The following ST3GAL4 variants were observed in gnomAD, a reference collection of about 807,000 sequenced individuals.
The protein encoded by ST3GAL4 is CMP-N-acetylneuraminate-beta-galactosamide-alpha-2,3-sialyltransferase 4.
In ST3GAL4, 24 loss-of-function variants were observed where a neutral mutation model predicts 42.6. That is an observed-to-expected ratio of 0.56 (90% CI 0.41 to 0.79). The LOEUF (loss-of-function observed/expected upper bound fraction) is 0.79, where lower values mean the gene tolerates loss of function less well. Among genes scored for constraint, ST3GAL4 ranks in the 30% least tolerant of loss-of-function variants. ST3GAL4 has a pLI of 0.00. For missense variants in ST3GAL4, 311 were observed against 430.8 expected, an observed-to-expected ratio of 0.72 and a Z score of 2.46; for synonymous variants, 135 against 163.2, an observed-to-expected ratio of 0.83 and a Z score of 1.32.
Position 126,393,612 on chromosome 11 carries a change from C to A in ST3GAL4, c.-60-12484C>A, listed in dbSNP as rs994772113. On this transcript the variant is annotated intron_variant, in intron 1 of 10. Transcript: ENST00000444328. This position sits in a 1 kb window ranked among gnomAD's most constrained non-coding sequence, Gnocchi z 5.9. ...CTAATTTAGCCTTTCTGAAGTGGAG[C>A]CTTGGGAGCCGATGAAGCTTAATAA... Among the ~76,000 whole-genome samples, 1 of 152,190 alleles carries A rather than the reference C, an allele frequency of 6.6e-6. No homozygotes were observed. The highest frequency in any genetic ancestry group is 2.1e-4 in the South Asian group (1 of 4,814).
At chr11:126,368,483 A>G (rs567138820) in intron 1 of ST3GAL4, among the ~76,000 whole-genome samples, 1 of 152,302 alleles carries the variant, frequency 6.6e-6, no homozygotes, top group South Asian at 2.1e-4. Flanking sequence ...CTGCGCTGGG[A>G]CAGGGGTATT....
chr11:126,399,971 C>A (rs901115287), intron 1 of ST3GAL4, among the ~76,000 whole-genome samples: 2 of 152,140 alleles, frequency 1.3e-5, no homozygotes, highest in African/African-American at 4.8e-5. Flanking sequence ...ATCTTCTAAT[C>A]CCGCTTTATT....
In ST3GAL4 at chr11:126,408,514, C is replaced by G; in HGVS notation, c.627+18C>G. 1 of 1,613,366 alleles carries G rather than the reference C, an allele frequency of 6.2e-7. No individual in the cohort carries two copies. The highest frequency in any genetic ancestry group is 8.5e-7 in the Non-Finnish European group (1 of 1,179,762). On this transcript the variant is annotated intron_variant, in intron 8 of 10. Transcript: ENST00000444328. ...AGAAGCGGGTAAGTTGGGGGACAGA[C>G]TGGGGGCTGAGGCCTGGCGGTGGGG... is the stretch of plus-strand genomic sequence containing the variant.
chr11:126,388,840 G>A lies in ST3GAL4; in HGVS notation c.-60-17256G>A, dbSNP rs7941034. On this transcript the variant is annotated intron_variant, in intron 1 of 10. Coordinates refer to ENST00000444328, the MANE Select transcript of ST3GAL4 (RefSeq NM_001254757.2). ...AGGCTGGAGTGCAGTGCAATGACAC[G>A]ATCTTGGCTCACTGCAGCCTCCACC... Among the ~76,000 whole-genome samples, 825 of 127,260 alleles carry A rather than the reference G, an allele frequency of 6.5e-3. 12 individuals carry two copies. The highest frequency in any genetic ancestry group is 0.023 in the African/African-American group (759 of 33,438). 83.5% of individuals were successfully genotyped at this position (127,260 alleles called of 152,430 possible).
intron 1 of ST3GAL4, among the ~76,000 whole-genome samples, chr11:126,356,651 GA>G (rs1489450111): frequency 1.3e-5 from 2 of 152,142 alleles, no homozygotes; most frequent in East Asian, 3.9e-4. Context: ...ACTGCTGCCA[GA>G]AGGCTGGGAG....
At chr11:126,401,660 C>T (rs1954000649) in intron 1 of ST3GAL4, among the ~76,000 whole-genome samples, 3 of 152,072 alleles carry the variant, frequency 2.0e-5, no homozygotes, top group Admixed American at 6.6e-5. Flanking sequence ...TTGACCTTGA[C>T]CTAGAAGCCA....
chr11:126,399,693 C>G (rs1235220770), intron 1 of ST3GAL4, among the ~76,000 whole-genome samples: 1 of 152,068 alleles, frequency 6.6e-6, no homozygotes, highest in Non-Finnish European at 1.5e-5. Context: ...ATACAGCAAC[C>G]AAAATGCTTT....
Position 126,409,504 on chromosome 11 carries a change from A to AT in ST3GAL4, c.771+94dup. ...GCTTAGGAAGCCCTGGAAGGATCCC[A>AT]TAACAGAGGCGGCGGTTTGCATTTT... On this transcript the variant is annotated intron_variant, in intron 9 of 10. Coordinates refer to ENST00000444328, the MANE Select transcript of ST3GAL4 (RefSeq NM_001254757.2). The surrounding 1 kb of genome is among the most constrained non-coding windows in gnomAD (Gnocchi z 4.9). The AT allele has an allele frequency of 6.5e-7, 1 of 1,546,430 alleles. No individual in the cohort carries two copies. Among genetic ancestry groups the AT allele is most frequent in the Non-Finnish European group, 8.8e-7 (1 of 1,133,176 alleles).
chr11:126,389,751 A>AT (rs1398741245), intron 1 of ST3GAL4, among the ~76,000 whole-genome samples: 1 of 151,812 alleles, frequency 6.6e-6, no homozygotes, highest in Non-Finnish European at 1.5e-5. Flanking sequence ...TGTTTATTTT[A>AT]TTTTTTTATT....
intron 1 of ST3GAL4, among the ~76,000 whole-genome samples, chr11:126,404,302 A>G (rs6590203): frequency 0.44 from 67,450 of 151,978 alleles, 15,470 homozygotes; most frequent in East Asian, 0.62. Context: ...GTTTGACAGC[A>G]AGGAAACTGC....
At position 126,376,398 on chromosome 11, in the gene ST3GAL4, G is replaced by A. The variant is rs1952835049; in HGVS notation, c.-61+20556G>A. Among the ~76,000 whole-genome samples, 1 of 152,202 alleles carries A rather than the reference G, an allele frequency of 6.6e-6. No individual in the cohort carries two copies. The highest frequency in any genetic ancestry group is 1.5e-5 in the Non-Finnish European group (1 of 68,032). ...ACAGTTTCAGAGGCAGGTGTTTGGA[G>A]AGTGAATGTAAAAGCAAAATGAAGA... On this transcript the variant is annotated intron_variant, in intron 1 of 10. Transcript: ENST00000444328. This position sits in a 1 kb window ranked among gnomAD's most constrained non-coding sequence, Gnocchi z 5.1.
chr11:126,408,541 C>A (rs200701363), intron 8 of ST3GAL4, 45 bp downstream of exon 8: 8 of 1,603,996 alleles, frequency 5.0e-6, no homozygotes, highest in Admixed American at 1.7e-5. Flanking sequence ...GCGGTGGGGA[C>A]GCTGCCCGAG....
Position 126,392,514 on chromosome 11 carries a change from T to G in ST3GAL4, c.-60-13582T>G, listed in dbSNP as rs1362822233. Among the ~76,000 whole-genome samples the G allele has an allele frequency of 6.6e-6, 1 of 152,246 alleles. No individual in the cohort carries two copies. Among genetic ancestry groups the G allele is most frequent in the East Asian group, 1.9e-4 (1 of 5,202 alleles). ...CCAGTGTGAGCTTCTAGCAAGCCCC[T>G]TGTGCCTTAGATGCCCAGGTCTTTT... On this transcript the variant is annotated intron_variant, in intron 1 of 10. Coordinates refer to ENST00000444328, the MANE Select transcript of ST3GAL4 (RefSeq NM_001254757.2). This position sits in a 1 kb window ranked among gnomAD's most constrained non-coding sequence, Gnocchi z 5.8.
chr11:126,363,991 G>T lies in ST3GAL4; in HGVS notation c.-61+8149G>T, dbSNP rs1056224628. Among the ~76,000 whole-genome samples, 3 of 152,244 alleles carry T rather than the reference G, an allele frequency of 2.0e-5. No homozygotes were observed. Among genetic ancestry groups the T allele is most frequent in the Admixed American group, 2.0e-4 (3 of 15,292 alleles). On this transcript the variant is annotated intron_variant, in intron 1 of 10. Coordinates refer to ENST00000444328, the MANE Select transcript of ST3GAL4 (RefSeq NM_001254757.2). The surrounding 1 kb of genome is among the most constrained non-coding windows in gnomAD (Gnocchi z 4.6). ...CTTAGGGACCAGCTGGTCCCCTGCT[G>T]TGGTTCCACACAGTGGAGACTGATC...
At chr11:126,412,363 A>T (rs2135567327) in intron 9 of ST3GAL4, among the ~76,000 whole-genome samples, 1 of 152,348 alleles carries the variant, frequency 6.6e-6, no homozygotes, top group Middle Eastern at 3.4e-3. Context: ...GATGAGGTCC[A>T]GGAAAGGCTC....
chr11:126,355,729 C>A lies in ST3GAL4; in HGVS notation c.-174C>A, dbSNP rs1348308033. On this transcript the variant is annotated 5_prime_UTR_variant, in exon 1 of 11. Transcript: ENST00000444328. This position sits in a 1 kb window ranked among gnomAD's most constrained non-coding sequence, Gnocchi z 7.1. ...TCCCAGGCCGGACCCGCGCCCGGGA[C>A]AGGGACCCGGCCGAGTCGAGCCGTC... 1.3e-5 allele frequency: 2 copies of A among 151,810 alleles called. No homozygotes were observed. Among genetic ancestry groups the A allele is most frequent in the Non-Finnish European group, 2.9e-5 (2 of 67,844 alleles). The allele number at this position is 151,810 out of a possible 1,614,324, so 9.4% of individuals were successfully genotyped here. A position where few individuals can be genotyped will look rare whatever the true frequency, so the allele number is the denominator to read the frequency against.
chr11:126,395,936 G>GT (rs1953732506), intron 1 of ST3GAL4, among the ~76,000 whole-genome samples: 1 of 152,180 alleles, frequency 6.6e-6, no homozygotes, highest in African/African-American at 2.4e-5. Flanking sequence ...GAGCACATGT[G>GT]TCTCTGTGCA....
rs113209417 is a variant in ST3GAL4 at position 126,414,572 on chromosome 11, G to A, written c.*525G>A. 126 of 156,510 alleles carry A rather than the reference G, an allele frequency of 8.1e-4. 1 individual carries two copies. The highest frequency in any genetic ancestry group is 2.9e-3 in the African/African-American group (121 of 41,610). 9.7% of individuals were successfully genotyped at this position (156,510 alleles called of 1,614,324 possible). ...AGAGCACTGGTGTGGGGGTTCCACC[G>A]AGAAGGGGACCTCATCTAGAAAAGA... is the stretch of plus-strand genomic sequence containing the variant. On this transcript the variant is annotated 3_prime_UTR_variant, in exon 11 of 11. Transcript: ENST00000444328.
At chr11:126,362,517 A>G (rs1228015678) in intron 1 of ST3GAL4, among the ~76,000 whole-genome samples, 5 of 152,108 alleles carry the variant, frequency 3.3e-5, no homozygotes, top group African/African-American at 1.2e-4. Context: ...ACACTTCTTA[A>G]TGGGATAATG....
Sources: gnomAD v4.1 joint callset for allele counts (sites outside exome capture counted in the v4.1 genomes callset) on GRCh38, gnomAD v4.1.1 for gene constraint, Gnocchi (gnomAD v3.1) non-coding constraint, MANE v1.5 for transcripts, NCBI Gene and HGNC (gene_info 2026-07-23, HGNC 2026-07-21) for gene names.